CCM2: variants seen among roughly 807,000 people sequenced by gnomAD.
CCM2 encodes cerebral cavernous malformations 2 protein.
Under a neutral mutation model 44.9 loss-of-function variants are expected in CCM2, and 25 were observed. The observed-to-expected ratio is 0.56, with a 90% confidence interval of 0.41 to 0.78. The LOEUF is 0.78. CCM2 is among the 30% of genes least tolerant of loss of function. The pLI, the probability that CCM2 is intolerant of heterozygous loss-of-function variation, is 0.00. For missense variants in CCM2, 481 were observed against 580.6 expected (o/e 0.83, Z 1.76); for synonymous variants, 219 against 241.1 (o/e 0.91, Z 0.85).
intron 6 of CCM2, chr7:45,072,263 G>A (rs1462357180): frequency 9.0e-6 from 3 of 332,654 alleles, no homozygotes; most frequent in Non-Finnish European, 1.8e-5. Context: ...GGTTCAGATG[G>A]GGAGTCAGAC....
At chr7:45,022,176 A>G (rs1012212117) in intron 1 of CCM2, among the ~76,000 whole-genome samples, 6 of 151,906 alleles carry the variant, frequency 3.9e-5, no homozygotes, top group Middle Eastern at 3.4e-3. Flanking sequence ...TGGAAGGTGA[A>G]TGTGAAGCAA....
chr7:45,066,122 A>G (rs1431924390), intron 4 of CCM2, among the ~76,000 whole-genome samples: 1 of 152,202 alleles, frequency 6.6e-6, no homozygotes, highest in Non-Finnish European at 1.5e-5. Context: ...AATGAGCGCC[A>G]TAGGAGAAAC....
Position 45,076,309 on chromosome 7 carries a change from C to T in CCM2, c.*252C>T, listed in dbSNP as rs929170687. ...TCAGCCAAGCCCTGCAGTGTGTCCC[C>T]GCTCGGGGAGGGCCCGGCCGAGCGG... On this transcript the variant is annotated 3_prime_UTR_variant, in exon 10 of 10. Coordinates refer to ENST00000258781, the MANE Select transcript of CCM2 (RefSeq NM_031443.4). 20 of 671,714 alleles carry T rather than the reference C, an allele frequency of 3.0e-5. No individual in the cohort carries two copies. Among genetic ancestry groups the T allele is most frequent in the African/African-American group, 1.1e-4 (6 of 56,568 alleles). 41.6% of individuals were successfully genotyped at this position (671,714 alleles called of 1,614,324 possible).
rs529417464 is a variant in CCM2, at chr7:45,063,708, G to A, written c.205-210G>A. Among the ~76,000 whole-genome samples, 16 of 152,276 alleles carry A rather than the reference G, an allele frequency of 1.1e-4. No homozygotes were observed. In the South Asian group the frequency reaches 3.3e-3, roughly 32 times the overall value. On this transcript the variant is annotated intron_variant, in intron 2 of 9. Coordinates refer to ENST00000258781, the MANE Select transcript of CCM2 (RefSeq NM_031443.4). ...TGACCTTCACTGTAGAATAGTAGGA[G>A]ATGGGGCAGCACTGTCCTCAGCCAG...
intron 2 of CCM2, among the ~76,000 whole-genome samples, chr7:45,042,486 T>C (rs950510592): frequency 6.6e-6 from 1 of 152,012 alleles, no homozygotes; most frequent in Non-Finnish European, 1.5e-5. Context: ...CCCATCATAG[T>C]AGAATTTCTG....
chr7:45,056,964 T>C (rs941780971), intron 2 of CCM2, among the ~76,000 whole-genome samples: 5 of 152,226 alleles, frequency 3.3e-5, no homozygotes, highest in African/African-American at 9.6e-5. Context: ...TTTATATATT[T>C]GACCCATTTT....
rs1427249478 is a variant in CCM2 at position 45,028,857 on chromosome 7, A to G, written c.31-9396A>G. Among the ~76,000 whole-genome samples, 3 of 151,870 alleles carry G rather than the reference A, an allele frequency of 2.0e-5. No individual in the cohort carries two copies. In the East Asian group the frequency reaches 5.8e-4, roughly 29 times the overall value. On this transcript the variant is annotated intron_variant, in intron 1 of 9. Transcript: ENST00000258781. ...GCTGGAAGTTTGTGGAAATTCACAT[A>G]GGCAGGGGTGCAATGTGGGTGTCCA...
At chr7:45,067,373 G>T (rs1344535983) in intron 4 of CCM2, among the ~76,000 whole-genome samples, 1 of 150,754 alleles carries the variant, frequency 6.6e-6, no homozygotes, top group Non-Finnish European at 1.5e-5. Flanking sequence ...ATGTTGGCCA[G>T]GCTGGTCTTG....
intron 1 of CCM2, among the ~76,000 whole-genome samples, chr7:45,026,400 C>CA (rs1562870543): frequency 6.7e-6 from 1 of 148,990 alleles, no homozygotes; most frequent in Non-Finnish European, 1.5e-5. Context: ...CTGAAGCAAT[C>CA]AGTCTTTTTG....
rs755771417 is a variant in CCM2, at chr7:45,057,154, C to CTT, written c.205-6758_205-6757dup. On this transcript the variant is annotated intron_variant, in intron 2 of 9. Transcript: ENST00000258781. ...TACACAAGGGTCTTTCTTGGGCTCTCTTTTTTTCTTTCTTTCTTTTTTTTT... is the reference window on the plus strand; with the variant it reads ...TACACAAGGGTCTTTCTTGGGCTCTCTTTTTTTTTCTTTCTTTCTTTTTTTTT... Among the ~76,000 whole-genome samples, 79 of 151,812 alleles carry CTT rather than the reference C, an allele frequency of 5.2e-4. 1 individual carries two copies. Among genetic ancestry groups the CTT allele is most frequent in the Non-Finnish European group, 2.5e-4 (17 of 67,920 alleles).
chr7:45,073,280 C>A (rs949789220), intron 7 of CCM2, 180 bp from the exon 8 acceptor site: 1 of 636,858 alleles, frequency 1.6e-6, no homozygotes, highest in African/African-American at 1.8e-5. Context: ...GCCCCAGGAC[C>A]AGGCCAAGCT....
chr7:45,016,841 C>G (rs1355151231), intron 1 of CCM2, among the ~76,000 whole-genome samples: 1 of 152,202 alleles, frequency 6.6e-6, no homozygotes, highest in Non-Finnish European at 1.5e-5. Context: ...CCATGTTGAC[C>G]AGGCTGATCT....
intron 1 of CCM2, among the ~76,000 whole-genome samples, chr7:45,000,852 A>G (rs1352591162): frequency 6.6e-6 from 1 of 152,218 alleles, no homozygotes; most frequent in African/African-American, 2.4e-5. Flanking sequence ...GACGCTAGCT[A>G]CATTTGGCAG....
intron 2 of CCM2, among the ~76,000 whole-genome samples, chr7:45,057,502 A>G (rs532182454): frequency 6.6e-6 from 1 of 152,266 alleles, no homozygotes; most frequent in African/African-American, 2.4e-5. Context: ...GTCTGTCTTT[A>G]TATCACGCTC....
intron 2 of CCM2, among the ~76,000 whole-genome samples, chr7:45,040,705 G>T (rs1441276862): frequency 6.6e-6 from 1 of 152,102 alleles, no homozygotes; most frequent in Non-Finnish European, 1.5e-5. Context: ...CATAAGGGGA[G>T]GCCGGGCATG....
At chr7:45,066,298 T>G (rs1798769949) in intron 4 of CCM2, among the ~76,000 whole-genome samples, 1 of 152,192 alleles carries the variant, frequency 6.6e-6, no homozygotes, top group Non-Finnish European at 1.5e-5. Context: ...GTGTTTATTT[T>G]TTAATTTTTA....
intron 2 of CCM2, among the ~76,000 whole-genome samples, chr7:45,052,375 T>C (rs1475822074): frequency 6.6e-6 from 1 of 151,964 alleles, no homozygotes; most frequent in Non-Finnish European, 1.5e-5. Context: ...TGTGCCTAAG[T>C]ATGTGAACCA....
intron 2 of CCM2, 33 bp from the exon 3 acceptor site, chr7:45,063,885 T>C: frequency 6.8e-7 from 1 of 1,477,930 alleles, no homozygotes; most frequent in Non-Finnish European, 9.5e-7. Context: ...AGCTCCCATT[T>C]CTCATGGCAT....
At chr7:45,021,270 A>T (rs966518113) in intron 1 of CCM2, among the ~76,000 whole-genome samples, 22 of 152,192 alleles carry the variant, frequency 1.4e-4, no homozygotes, top group African/African-American at 4.6e-4. Flanking sequence ...AAAATAAAAA[A>T]AATAATAAAT....
Sources: allele counts gnomAD v4.1 joint callset (sites outside exome capture counted in the v4.1 genomes callset), GRCh38; gene constraint gnomAD v4.1.1; transcripts MANE v1.5; gene names NCBI Gene and HGNC (gene_info 2026-07-23, HGNC 2026-07-21).